SFMBT1: variants seen among roughly 807,000 people sequenced by gnomAD.
SFMBT1 encodes Scm like with four mbt domains 1.
Under a neutral mutation model 108.7 loss-of-function variants are expected in SFMBT1, and 32 were observed. That is an observed-to-expected ratio of 0.29 (90% CI 0.22 to 0.40). The LOEUF (loss-of-function observed/expected upper bound fraction) is 0.40, where lower values mean the gene tolerates loss of function less well. SFMBT1 is among the 10% of genes least tolerant of loss of function. The pLI is 1.00. For missense variants in SFMBT1, 816 were observed against 1,059.6 expected, an observed-to-expected ratio of 0.77 and a Z score of 3.19; for synonymous variants, 348 against 369.5, an observed-to-expected ratio of 0.94 and a Z score of 0.67.
chr3:52,924,911 A>G (rs11713376), intron 10 of SFMBT1, among the ~76,000 whole-genome samples: 13,632 of 152,210 alleles, frequency 0.09, 763 homozygotes, highest in Non-Finnish European at 0.13. Context: ...AAAAATTTTT[A>G]AAAAGAAACA....
intron 1 of SFMBT1, among the ~76,000 whole-genome samples, chr3:53,029,472 G>A (rs961386485): frequency 2.0e-5 from 3 of 152,116 alleles, no homozygotes; most frequent in African/African-American, 7.2e-5. Flanking sequence ...GCCAGAACAG[G>A]AGCAGCATTT....
intron 1 of SFMBT1, 101 bp downstream of exon 1, chr3:53,045,715 C>G (rs1344508049): frequency 6.9e-6 from 1 of 145,522 alleles, no homozygotes; most frequent in Non-Finnish European, 1.5e-5. Flanking sequence ...AGTTGCGCGG[C>G]CGCTTCGAAG....
rs1698242010 is a variant in SFMBT1 at position 52,994,412 on chromosome 3, C to A, written c.-130-25154G>T. On this transcript the variant is annotated intron_variant, in intron 1 of 20. Coordinates refer to ENST00000394752, the MANE Select transcript of SFMBT1 (RefSeq NM_016329.4). The stretch of plus-strand genomic sequence containing the variant: ...TCATGTGCCTCTTAATGGAAGAACA[C>A]AACACCAACTATTGAACTATCTTTC... Among the ~76,000 whole-genome samples the A allele has an allele frequency of 1.3e-5, 2 of 149,876 alleles. 1 individual carries two copies. The highest frequency in any genetic ancestry group is 3.0e-5 in the Non-Finnish European group (2 of 66,978).
intron 3 of SFMBT1, 32 bp from the exon 4 acceptor site, chr3:52,943,625 A>C (rs769844771): frequency 6.2e-7 from 1 of 1,614,086 alleles, no homozygotes; most frequent in Non-Finnish European, 8.5e-7. Flanking sequence ...AGCACCAGAC[A>C]AGTATCTTAA....
At chr3:52,941,580 T>C (rs11706243) in intron 4 of SFMBT1, among the ~76,000 whole-genome samples, 95,681 of 126,394 alleles carry the variant, frequency 0.76, 35,433 homozygotes, top group South Asian at 0.88. Context: ...GGCAACAGAG[T>C]GAGACTCTGT....
intron 20 of SFMBT1, 79 bp downstream of exon 20, chr3:52,906,034 G>T: frequency 6.7e-7 from 1 of 1,489,178 alleles, no homozygotes; most frequent in Admixed American, 1.8e-5. Flanking sequence ...CCTAAAACTT[G>T]TAAATAAATT....
At chr3:52,920,124 A>G (rs774371061) in intron 12 of SFMBT1, among the ~76,000 whole-genome samples, 6 of 152,260 alleles carry the variant, frequency 3.9e-5, no homozygotes, top group Non-Finnish European at 8.8e-5. Flanking sequence ...TGGGCTTCCC[A>G]GTCTCCAGAA....
At chr3:52,947,774 G>A (rs1395625128) in intron 3 of SFMBT1, among the ~76,000 whole-genome samples, 9 of 148,282 alleles carry the variant, frequency 6.1e-5, no homozygotes, top group African/African-American at 1.5e-4. Flanking sequence ...TCCTTCTGTC[G>A]CCCAGGCTGG....
intron 1 of SFMBT1, among the ~76,000 whole-genome samples, chr3:52,993,176 C>G (rs1240536463): frequency 7.6e-6 from 1 of 132,154 alleles, no homozygotes; most frequent in Admixed American, 7.9e-5. Context: ...TATGCAAAAG[C>G]CTTAACATTT....
At chr3:52,911,995 C>T (rs1027998597) in intron 16 of SFMBT1, among the ~76,000 whole-genome samples, 3 of 151,918 alleles carry the variant, frequency 2.0e-5, no homozygotes, top group African/African-American at 4.8e-5. Context: ...CCACGGTGCC[C>T]GGTCTTAAAT....
At chr3:53,026,244 A>C (rs1377076849) in intron 1 of SFMBT1, among the ~76,000 whole-genome samples, 1 of 152,220 alleles carries the variant, frequency 6.6e-6, no homozygotes, top group Non-Finnish European at 1.5e-5. Context: ...AAGGCACTTC[A>C]TCTCTTCAAA....
intron 1 of SFMBT1, among the ~76,000 whole-genome samples, chr3:52,991,717 C>T (rs1705139755): frequency 6.6e-6 from 1 of 151,978 alleles, no homozygotes; most frequent in South Asian, 2.1e-4. Flanking sequence ...TGGATCAATG[C>T]CATTATAAGA....
Position 52,907,581 on chromosome 3 carries a change from C to T in SFMBT1, c.2059G>A (p.Asp687Asn). Residue 687 changes from aspartate to asparagine, a missense_variant, in exon 18 of 21, where the codon GAT becomes AAT. Physicochemically the swap from Asp to Asn is conservative, Grantham distance 23. Coordinates refer to ENST00000394752, the MANE Select transcript of SFMBT1 (RefSeq NM_016329.4). ...HKKKRSSASV[D>N]NTPAGSPQGS... ...TGGGGAGAGCCCGCTGGGGTATTATCAACAGATGCAGAGGAGCGTTTCTTC... is the reference window on the plus strand; with the variant it reads ...TGGGGAGAGCCCGCTGGGGTATTATTAACAGATGCAGAGGAGCGTTTCTTC... The T allele has an allele frequency of 6.2e-7, 1 of 1,613,776 alleles. No homozygotes were observed.
chr3:53,032,241 A>G (rs1026273962), intron 1 of SFMBT1, among the ~76,000 whole-genome samples: 1 of 152,180 alleles, frequency 6.6e-6, no homozygotes, highest in Non-Finnish European at 1.5e-5. Flanking sequence ...ATGGTGGTAC[A>G]TGCCTATGGT....
intron 1 of SFMBT1, among the ~76,000 whole-genome samples, chr3:52,992,241 C>CT (rs1432726323): frequency 6.6e-6 from 1 of 152,212 alleles, no homozygotes; most frequent in African/African-American, 2.4e-5. Flanking sequence ...GCTGCCTCAC[C>CT]TTCCTAGTCC....
chr3:53,037,407 A>G (rs1172062738), intron 1 of SFMBT1, among the ~76,000 whole-genome samples: 1 of 152,248 alleles, frequency 6.6e-6, no homozygotes, highest in Non-Finnish European at 1.5e-5. Context: ...GAGAAGATCT[A>G]AGCCTGTTTC....
At chr3:53,009,087 G>A (rs1027921916) in intron 1 of SFMBT1, among the ~76,000 whole-genome samples, 2 of 151,714 alleles carry the variant, frequency 1.3e-5, no homozygotes, top group African/African-American at 4.8e-5. Flanking sequence ...ATCAATCTGG[G>A]CAACATAGCA....
chr3:53,045,539 G>A (rs1055233541), intron 1 of SFMBT1, among the ~76,000 whole-genome samples: 51 of 142,776 alleles, frequency 3.6e-4, no homozygotes, highest in Middle Eastern at 7.6e-3. Context: ...GCGGCGAGGC[G>A]CCCAGGCGCG....
At chr3:52,936,224 T>C (rs1703005478) in intron 4 of SFMBT1, among the ~76,000 whole-genome samples, 1 of 152,230 alleles carries the variant, frequency 6.6e-6, no homozygotes, top group African/African-American at 2.4e-5. Flanking sequence ...CTTCTTCATT[T>C]ACTAACCAAA....
Sources: gnomAD v4.1 joint callset for allele counts (sites outside exome capture counted in the v4.1 genomes callset) on GRCh38, gnomAD v4.1.1 for gene constraint, MANE v1.5 for transcripts, NCBI Gene and HGNC (gene_info 2026-07-23, HGNC 2026-07-21) for gene names.